CACNA1S: variants seen among roughly 807,000 people sequenced by gnomAD.
CACNA1S encodes the protein voltage-dependent L-type calcium channel subunit alpha-1S.
In CACNA1S, 126 loss-of-function variants were observed where a neutral mutation model predicts 207.4. The ratio of observed to expected loss-of-function variants is 0.61; its 90% CI spans 0.53 to 0.70. The LOEUF (loss-of-function observed/expected upper bound fraction) is 0.70, where lower values mean the gene tolerates loss of function less well. CACNA1S is among the 30% of genes least tolerant of loss of function. The pLI is 0.00. For missense variants in CACNA1S, 2,349 were observed against 2,422.8 expected (o/e 0.97, Z 0.64); for synonymous variants, 960 against 932.7 (o/e 1.03, Z -0.53).
At chr1:201,040,395 C>G (rs1660110438) in intron 42 of CACNA1S, 21 bp from the exon 43 acceptor site, 3 of 1,611,584 alleles carry the variant, frequency 1.9e-6, no homozygotes, top group Admixed American at 3.3e-5. Flanking sequence ...GGTACAAAAG[C>G]AAAGACCCCG....
chr1:201,052,495 A>G (rs1373243214), intron 32 of CACNA1S, 62 bp downstream of exon 32: 2 of 1,328,310 alleles, frequency 1.5e-6, no homozygotes, highest in Non-Finnish European at 1.1e-6. Flanking sequence ...AGTGCACATT[A>G]GAACAGAGCA....
chr1:201,059,366 C>G (rs1018698353), intron 26 of CACNA1S, 67 bp from the exon 27 acceptor site: 5 of 963,766 alleles, frequency 5.2e-6, no homozygotes, highest in African/African-American at 3.2e-5. Flanking sequence ...GATTGCATTC[C>G]CAGAGCCCCT....
intron 19 of CACNA1S, among the ~76,000 whole-genome samples, chr1:201,068,138 C>T (rs1290232638): frequency 6.6e-6 from 1 of 151,154 alleles, no homozygotes; most frequent in Admixed American, 6.6e-5. Context: ...GGGCAGCAGT[C>T]ACTTCTCTGG....
chr1:201,078,225 T>A, intron 10 of CACNA1S, 121 bp from the exon 11 acceptor site: 1 of 819,996 alleles, frequency 1.2e-6, no homozygotes, highest in Non-Finnish European at 2.1e-6. Flanking sequence ...GCACCATGGA[T>A]GTTTTTTGGG....
At chr1:201,063,939 G>A (rs1212249761) in intron 22 of CACNA1S, among the ~76,000 whole-genome samples, 1 of 152,210 alleles carries the variant, frequency 6.6e-6, no homozygotes. Context: ...TGCACGTGGT[G>A]TTTCCACAGA....
chr1:201,110,172 G>C lies in CACNA1S; in HGVS notation c.250C>G (p.Leu84Val), dbSNP rs1663043307. 1.2e-6 allele frequency: 2 copies of C among 1,613,978 alleles called. No individual in the cohort carries two copies. The highest frequency in any genetic ancestry group is 1.7e-6 in the Non-Finnish European group (2 of 1,179,918). The change falls in exon 2 of 44, where the codon CTC becomes GTC. Residue 84 changes from leucine to valine, a missense_variant. Transcript: ENST00000362061. Reference protein sequence around the residue: ...MPEDDNNSLNLGLEKLEYFFL... With the variant: ...MPEDDNNSLNVGLEKLEYFFL... ...GGAAGGGCCAATCTTACCAGGCCGA[G>C]GTTCAGAGAGTTGTTGTCATCTTCC...
Position 201,066,183 on chromosome 1 carries a change from A to G in CACNA1S, c.2745+46T>C. 1 of 1,563,114 alleles carries G rather than the reference A, an allele frequency of 6.4e-7. No homozygotes were observed. Among genetic ancestry groups the G allele is most frequent in the Admixed American group, 1.7e-5 (1 of 59,918 alleles). ...TTTCTGGAGCGAGGAGGCCCCTGTA[A>G]CCCCTCCCATTCCTCTCTGGGGCTC... On this transcript the variant is annotated intron_variant, in intron 21 of 43. Coordinates refer to ENST00000362061, the MANE Select transcript of CACNA1S (RefSeq NM_000069.3). The surrounding 1 kb of genome is among the most constrained non-coding windows in gnomAD (Gnocchi z 4.3).
At chr1:201,101,217 G>A (rs979926981) in intron 2 of CACNA1S, among the ~76,000 whole-genome samples, 2 of 152,182 alleles carry the variant, frequency 1.3e-5, no homozygotes, top group African/African-American at 4.8e-5. Flanking sequence ...GAATGAACAT[G>A]GCTGAAGGTG....
At chr1:201,088,779 T>C (rs140051263) in intron 6 of CACNA1S, among the ~76,000 whole-genome samples, 1 of 152,344 alleles carries the variant, frequency 6.6e-6, no homozygotes, top group Non-Finnish European at 1.5e-5. Context: ...GAGTGTTGAC[T>C]GTGTGCCGGG....
intron 13 of CACNA1S, among the ~76,000 whole-genome samples, chr1:201,075,044 C>T (rs926591916): frequency 6.6e-6 from 1 of 152,164 alleles, no homozygotes; most frequent in African/African-American, 2.4e-5. Context: ...ATCCACCTTA[C>T]CCTCATATCT....
At position 201,050,417 on chromosome 1, in the gene CACNA1S, T is replaced by G. The variant is rs775263110; in HGVS notation, c.4213A>C (p.Ile1405Leu). Reference sequence around the variant, plus strand: ...GCCTCTGGGTCATACTCTGCCCAGATGGCCTTGAACTCATCCAGGTGATGA... The same window carrying G: ...GCCTCTGGGTCATACTCTGCCCAGAGGGCCTTGAACTCATCCAGGTGATGA... ...GPHHLDEFKA[I>L]WAEYDPEAKG... The change falls in exon 34 of 44, where the codon ATC (isoleucine) becomes CTC (leucine). Residue 1405 changes from isoleucine to leucine, a missense_variant. Ile to Leu is a conservative substitution (Grantham distance 5). Coordinates refer to ENST00000362061, the MANE Select transcript of CACNA1S (RefSeq NM_000069.3). 1.2e-6 allele frequency: 2 copies of G among 1,613,984 alleles called. No homozygotes were observed. The highest frequency in any genetic ancestry group is 2.7e-5 in the African/African-American group (2 of 74,898).
intron 38 of CACNA1S, among the ~76,000 whole-genome samples, chr1:201,045,069 T>C (rs1261247906): frequency 1.3e-5 from 2 of 152,242 alleles, no homozygotes; most frequent in Non-Finnish European, 2.9e-5. Context: ...GTCTTCTAGA[T>C]TGGTGATCTT....
intron 14 of CACNA1S, 56 bp from the exon 15 acceptor site, chr1:201,073,698 G>A (rs1661500842): frequency 1.5e-6 from 2 of 1,360,898 alleles, no homozygotes; most frequent in Admixed American, 3.3e-5. Flanking sequence ...GGGATCTGCT[G>A]AACCTGACAA....
intron 23 of CACNA1S, 29 bp downstream of exon 23, chr1:201,062,433 C>T (rs780503957): frequency 4.2e-5 from 67 of 1,608,434 alleles, no homozygotes; most frequent in Admixed American, 1.2e-4. Context: ...GCCCCGTGAC[C>T]GTCCCACTGT....
At position 201,083,217 on chromosome 1, in the gene CACNA1S, G is replaced by T. The variant is rs777258027; in HGVS notation, c.1338C>A (p.Thr446=). 6.2e-7 allele frequency: 1 copy of T among 1,614,204 alleles called. No individual in the cohort carries two copies. Among genetic ancestry groups the T allele is most frequent in the South Asian group, 1.1e-5 (1 of 91,084 alleles). ...TGTGGTGCTCTGAGGCGATAGACAG[G>T]GTGTTGAGGGCAACGATGAGAATCA... The part of the protein sequence containing the change: ...WLVILIVALN[T]LSIASEHHNQ... The change falls in exon 10 of 44, where the codon ACC becomes ACA. Residue 446 remains threonine (T), a synonymous_variant. Transcript: ENST00000362061.
intron 42 of CACNA1S, 36 bp downstream of exon 42, chr1:201,040,586 G>C: frequency 6.3e-7 from 1 of 1,579,600 alleles, no homozygotes; most frequent in Non-Finnish European, 8.7e-7. Context: ...CAGGGTCTCT[G>C]TATGGAGTTT....
rs1572023336 is a variant in CACNA1S, at chr1:201,047,523, A to G, written c.4543+2T>C. ...ACTCTGGTCCCCCAAAGTAGCACCT[A>G]CCTCCTATTGGAGGGATGACCTGGT... On this transcript the variant is annotated splice_donor_variant, in intron 37 of 43. Coordinates refer to ENST00000362061, the MANE Select transcript of CACNA1S (RefSeq NM_000069.3). LOFTEE classifies it high-confidence loss of function. 1.2e-6 allele frequency: 2 copies of G among 1,606,892 alleles called. No homozygotes were observed. Among genetic ancestry groups the G allele is most frequent in the Non-Finnish European group, 1.7e-6 (2 of 1,173,506 alleles).
chr1:201,062,341 A>T, intron 23 of CACNA1S, 121 bp downstream of exon 23: 1 of 1,092,758 alleles, frequency 9.2e-7, no homozygotes, highest in Non-Finnish European at 1.4e-6. Context: ...CTGCCCTGTG[A>T]TCGTCCTGCC....
intron 28 of CACNA1S, 78 bp downstream of exon 28, chr1:201,058,330 G>A: frequency 1.6e-6 from 2 of 1,222,442 alleles, no homozygotes; most frequent in Non-Finnish European, 1.2e-6. Flanking sequence ...CACACAGTGG[G>A]CACCCCACAA....
Sources: allele counts gnomAD v4.1 joint callset (sites outside exome capture counted in the v4.1 genomes callset), GRCh38; gene constraint gnomAD v4.1.1; non-coding constraint Gnocchi (gnomAD v3.1); transcripts MANE v1.5; gene names NCBI Gene and HGNC (gene_info 2026-07-23, HGNC 2026-07-21).